SLCO3A1: variants seen among roughly 807,000 people sequenced by gnomAD.
SLCO3A1 encodes PGE1 transporter.
In SLCO3A1, 27 loss-of-function variants were observed where a neutral mutation model predicts 63.1. The ratio of observed to expected loss-of-function variants is 0.43; its 90% confidence interval spans 0.32 to 0.59. The LOEUF (loss-of-function observed/expected upper bound fraction) is 0.59, where lower values mean the gene tolerates loss of function less well. Ranked by LOEUF, SLCO3A1 falls within the 20% of genes least tolerant of loss-of-function variation. The pLI is 0.09. For synonymous variants in SLCO3A1, 473 were observed against 409.9 expected, an observed-to-expected ratio of 1.15 and a Z score of -1.86; for missense variants, 773 against 945.8, an observed-to-expected ratio of 0.82 and a Z score of 2.40.
intron 2 of SLCO3A1, among the ~76,000 whole-genome samples, chr15:92,094,218 A>G (rs948186524): frequency 1.7e-4 from 26 of 152,234 alleles, no homozygotes; most frequent in Non-Finnish European, 2.9e-5. Context: ...CTCAAGTGCT[A>G]CAGAATCACT....
chr15:92,120,109 T>G (rs1481253521), intron 4 of SLCO3A1, among the ~76,000 whole-genome samples: 1 of 152,084 alleles, frequency 6.6e-6, no homozygotes, highest in Non-Finnish European at 1.5e-5. Context: ...TTTTTTCTTT[T>G]GAGAAACAAA....
rs1038183838 is a variant in SLCO3A1 at position 91,872,051 on chromosome 15, C to G, written c.180+17963C>G. Reference sequence around the variant, plus strand: ...GAATTACAAAATGGGATGATGAGTTCAAGGGATTGGTCACAAAAGATGTGG... The same window carrying G: ...GAATTACAAAATGGGATGATGAGTTGAAGGGATTGGTCACAAAAGATGTGG... On this transcript the variant is annotated intron_variant, in intron 1 of 9. Coordinates refer to ENST00000318445, the MANE Select transcript of SLCO3A1 (RefSeq NM_013272.4). This position sits in a 1 kb window ranked among gnomAD's most constrained non-coding sequence, Gnocchi z 4.1. Among the ~76,000 whole-genome samples the G allele has an allele frequency of 4.6e-5, 7 of 152,000 alleles. No homozygotes were observed. The highest frequency in any genetic ancestry group is 1.7e-4 in the African/African-American group (7 of 41,378).
At chr15:92,029,621 C>T (rs1354006646) in intron 2 of SLCO3A1, among the ~76,000 whole-genome samples, 1 of 151,640 alleles carries the variant, frequency 6.6e-6, no homozygotes, top group African/African-American at 2.4e-5. Context: ...TTTCCTACAA[C>T]CCAGGGAAAA....
In SLCO3A1 at chr15:91,950,416, A is replaced by G. The variant is rs1172857216; in HGVS notation, c.646+33958A>G. On this transcript the variant is annotated intron_variant, in intron 2 of 9. Transcript: ENST00000318445. The surrounding 1 kb of genome is among the most constrained non-coding windows in gnomAD (Gnocchi z 4.4). ...CACTGGCCATTGATCCCAGGCCTTG[A>G]CCAAATGGGGTCTCTAATCCCCAAG... 2.0e-5 allele frequency among the ~76,000 whole-genome samples: 3 copies of G among 152,052 alleles called. No homozygotes were observed. The highest frequency in any genetic ancestry group is 7.3e-5 in the African/African-American group (3 of 41,374).
intron 7 of SLCO3A1, among the ~76,000 whole-genome samples, chr15:92,144,912 G>T (rs1340240506): frequency 2.0e-5 from 3 of 152,198 alleles, no homozygotes; most frequent in Non-Finnish European, 4.4e-5. Flanking sequence ...ATCAAATGCA[G>T]AGATGGTAAA....
chr15:92,120,443 T>C, intron 4 of SLCO3A1, 22 bp from the exon 5 acceptor site: 1 of 1,612,016 alleles, frequency 6.2e-7, no homozygotes, highest in South Asian at 1.1e-5. Flanking sequence ...ACCCTGACCA[T>C]CTGCCTTCTG....
intron 2 of SLCO3A1, among the ~76,000 whole-genome samples, chr15:91,965,108 T>G (rs1331923805): frequency 6.6e-6 from 1 of 151,548 alleles, no homozygotes; most frequent in Non-Finnish European, 1.5e-5. Context: ...CAGTGGATGA[T>G]TAGGGTTTTT....
chr15:91,944,596 C>T (rs970491521), intron 2 of SLCO3A1, among the ~76,000 whole-genome samples: 4 of 152,046 alleles, frequency 2.6e-5, no homozygotes, highest in Non-Finnish European at 4.4e-5. Context: ...CAGACAGCCA[C>T]GGATATTATG....
chr15:92,082,443 A>C (rs2047358598), intron 2 of SLCO3A1, among the ~76,000 whole-genome samples: 1 of 152,216 alleles, frequency 6.6e-6, no homozygotes, highest in Admixed American at 6.5e-5. Flanking sequence ...TTCCTAGGTC[A>C]GCACTGCCCT....
At chr15:92,000,968 C>T (rs550707721) in intron 2 of SLCO3A1, among the ~76,000 whole-genome samples, 36 of 152,200 alleles carry the variant, frequency 2.4e-4, no homozygotes, top group East Asian at 7.7e-4. Flanking sequence ...GGACTGTCAT[C>T]GAGAGCAAGG....
intron 1 of SLCO3A1, among the ~76,000 whole-genome samples, chr15:91,878,997 A>G (rs1449342494): frequency 6.6e-6 from 1 of 152,156 alleles, no homozygotes; most frequent in Non-Finnish European, 1.5e-5. Context: ...TCTAGGCATA[A>G]TTACAACATA....
At chr15:92,123,414 T>C (rs569500852) in intron 5 of SLCO3A1, among the ~76,000 whole-genome samples, 1 of 151,720 alleles carries the variant, frequency 6.6e-6, no homozygotes, top group East Asian at 1.9e-4. Context: ...TCTCGAAAAA[T>C]AAAATAAATA....
intron 1 of SLCO3A1, chr15:91,889,125 A>G: frequency 7.9e-7 from 1 of 1,265,840 alleles, no homozygotes; most frequent in Non-Finnish European, 1.0e-6. Context: ...AGCTAAGTGG[A>G]CGTGGATGGT....
chr15:92,088,062 C>G (rs1468139013), intron 2 of SLCO3A1, among the ~76,000 whole-genome samples: 4 of 152,084 alleles, frequency 2.6e-5, no homozygotes, highest in Admixed American at 1.3e-4. Flanking sequence ...GAGCACTGGT[C>G]AGGGAAAGAG....
chr15:91,929,192 T>C (rs1368065397), intron 2 of SLCO3A1, among the ~76,000 whole-genome samples: 1 of 152,142 alleles, frequency 6.6e-6, no homozygotes, highest in Non-Finnish European at 1.5e-5. Flanking sequence ...ATACATGAAC[T>C]GTGTTTGCAG....
rs73547357 is a variant in SLCO3A1 at position 91,855,821 on chromosome 15, A to G, written c.180+1733A>G. ...CCGGGTCTATGTTTAGAAGGAGGTAATTAGTATATCAACAGCTGCCTCCAC... is the reference window on the plus strand; with the variant it reads ...CCGGGTCTATGTTTAGAAGGAGGTAGTTAGTATATCAACAGCTGCCTCCAC... On this transcript the variant is annotated intron_variant, in intron 1 of 9. Transcript: ENST00000318445. Among the ~76,000 whole-genome samples the G allele has an allele frequency of 6.0e-3, 912 of 152,330 alleles. 7 individuals are homozygous for G. Among genetic ancestry groups the G allele is most frequent in the African/African-American group, 0.02 (842 of 41,580 alleles).
At chr15:92,058,290 A>G (rs761704817) in intron 2 of SLCO3A1, among the ~76,000 whole-genome samples, 6 of 152,144 alleles carry the variant, frequency 3.9e-5, no homozygotes, top group Non-Finnish European at 8.8e-5. Flanking sequence ...CCTTTCTGCT[A>G]TTTAAGGGAA....
chr15:91,890,542 T>C lies in SLCO3A1; in HGVS notation c.181-25451T>C, dbSNP rs550785649. ...ACAATTCTGATTCTTACTGTGCATTTCAAAGCAAGGATGTTCGAGATGTTG... is the reference window on the plus strand; with the variant it reads ...ACAATTCTGATTCTTACTGTGCATTCCAAAGCAAGGATGTTCGAGATGTTG... On this transcript the variant is annotated intron_variant, in intron 1 of 9. Coordinates refer to ENST00000318445, the MANE Select transcript of SLCO3A1 (RefSeq NM_013272.4). Among the ~76,000 whole-genome samples, 3 of 152,324 alleles carry C rather than the reference T, an allele frequency of 2.0e-5. No homozygotes were observed. In the South Asian group the frequency reaches 6.2e-4, roughly 32 times the overall value.
chr15:91,992,761 C>T (rs1434049772), intron 2 of SLCO3A1, among the ~76,000 whole-genome samples: 1 of 152,200 alleles, frequency 6.6e-6, no homozygotes, highest in Non-Finnish European at 1.5e-5. Flanking sequence ...TTGGAAGATA[C>T]ATACCATTAG....
Sources: allele counts gnomAD v4.1 joint callset (sites outside exome capture counted in the v4.1 genomes callset), GRCh38; gene constraint gnomAD v4.1.1; non-coding constraint Gnocchi (gnomAD v3.1); transcripts MANE v1.5; gene names NCBI Gene and HGNC (gene_info 2026-07-23, HGNC 2026-07-21).